Variants in SALL2 observed in about 807,000 individuals in gnomAD.
SALL2 encodes sal-like protein 2.
SALL2 carries 32 observed loss-of-function variants against 58.5 expected under a neutral mutation model. The observed-to-expected ratio is 0.55, with a 90% CI of 0.41 to 0.74. The LOEUF is 0.74. Among genes scored for constraint, SALL2 ranks in the 30% least tolerant of loss-of-function variants. The pLI, the probability that SALL2 is intolerant of heterozygous loss-of-function variation, is 0.00. For synonymous variants in SALL2, 516 were observed against 513.6 expected (o/e 1.00, Z -0.06); for missense variants, 1,201 against 1,268.9 (o/e 0.95, Z 0.81).
chr14:21,523,181 A>T lies in SALL2; in HGVS notation c.2541T>A (p.Pro847=). ...CACTGCTTCCCTGCTCCATTGGCTG[A>T]GGCTGATCCAGGCTGTCAGGTGGTG... The part of the protein sequence containing the change: ...PPPPPDSLDQ[P]QPMEQGSSGV... Residue 847 remains proline, a synonymous_variant, in exon 2 of 2, where the codon CCT becomes CCA. Coordinates refer to ENST00000537235, the MANE Select transcript of SALL2 (RefSeq NM_001364564.1). The surrounding 1 kb of genome is among the most constrained non-coding windows in gnomAD (Gnocchi z 4.4). 1.2e-6 allele frequency: 2 copies of T among 1,614,160 alleles called. No homozygotes were observed. Among genetic ancestry groups the T allele is most frequent in the South Asian group, 2.2e-5 (2 of 91,084 alleles).
At chr14:21,530,573 C>T (rs1032154137), upstream of SALL2, among the ~76,000 whole-genome samples, 3 of 152,120 alleles carry the variant, frequency 2.0e-5, no homozygotes, top group Admixed American at 6.5e-5. Flanking sequence ...CAGGCGTGAG[C>T]CATCGCGCCC....
At position 21,521,888 on chromosome 14, in the gene SALL2, A is replaced by T. The variant is rs1372390835; in HGVS notation, c.*816T>A. 1.5e-6 allele frequency: 2 copies of T among 1,301,414 alleles called. No individual in the cohort carries two copies. The highest frequency in any genetic ancestry group is 1.5e-5 in the African/African-American group (1 of 67,192). 80.6% of individuals were successfully genotyped at this position (1,301,414 alleles called of 1,614,324 possible). A position where few individuals can be genotyped will look rare whatever the true frequency, so the allele number is the denominator to read the frequency against. ...GACCATCAGGGGATTTACTGGGAAA[A>T]TTTTCCTATGCCCTTCCTTCATTTC... On this transcript the variant is annotated 3_prime_UTR_variant, in exon 2 of 2. Coordinates refer to ENST00000537235, the MANE Select transcript of SALL2 (RefSeq NM_001364564.1).
In SALL2 at chr14:21,526,100, G is replaced by A. The variant is rs756161283; in HGVS notation, c.28C>T (p.Arg10Cys). MAHESERSS[R>C]LGVPCGEPAE... ...GGCTCCCCGCAGGGCACCCCGAGACGAGAGCTCCTCTCGGATTCGTGCGCC... is the reference window on the plus strand; with the variant it reads ...GGCTCCCCGCAGGGCACCCCGAGACAAGAGCTCCTCTCGGATTCGTGCGCC... Residue 10 changes from arginine (R) to cysteine (C), a missense_variant, in exon 1 of 2, where the codon CGT becomes TGT. This residue lies in a region of SALL2 where 467 missense variants were observed against 468.9 expected (regional missense o/e 1.00). Transcript: ENST00000537235. The A allele has an allele frequency of 5.2e-6, 8 of 1,538,754 alleles. No individual in the cohort carries two copies. In the South Asian group the frequency reaches 5.9e-5, roughly 11 times the overall value.
At chr14:21,526,934 T>C (rs1892335229), upstream of SALL2, among the ~76,000 whole-genome samples, 4 of 151,904 alleles carry the variant, frequency 2.6e-5, no homozygotes, top group Admixed American at 2.6e-4. Context: ...TTCAGGACTC[T>C]CTGCGGAACA....
Position 21,522,352 on chromosome 14 carries a change from A to C in SALL2, c.*352T>G. On this transcript the variant is annotated 3_prime_UTR_variant, in exon 2 of 2. Transcript: ENST00000537235. ...TGCCAGCCCTTTTTGGCTAGGCTGC[A>C]ATGCCAAATGTAGGTGCTCAGGTGC... The C allele has an allele frequency of 1.4e-6, 2 of 1,450,366 alleles. No individual in the cohort carries two copies. The highest frequency in any genetic ancestry group is 2.5e-5 in the Admixed American group (1 of 40,322). The allele number at this position is 1,450,366 out of a possible 1,614,324, so 89.8% of individuals were successfully genotyped here.
In SALL2 at chr14:21,525,605, T is replaced by G; in HGVS notation, c.117A>C (p.Ala39=). 4 of 1,607,576 alleles carry G rather than the reference T, an allele frequency of 2.5e-6. No individual in the cohort carries two copies. The highest frequency in any genetic ancestry group is 3.4e-6 in the Non-Finnish European group (4 of 1,176,442). The change falls in exon 2 of 2, where the codon GCA becomes GCC. Residue 39 remains alanine, a synonymous_variant. Transcript: ENST00000537235. This position sits in a 1 kb window ranked among gnomAD's most constrained non-coding sequence, Gnocchi z 4.4. ...GGAATTCAGTTGGGTCAGTGAATTG[T>G]GCGCAGCACTTGGCACAGACTTGGG... ...DHPQVCAKCC[A]QFTDPTEFLA...
Position 21,523,497 on chromosome 14 carries a change from C to G in SALL2, c.2225G>C (p.Gly742Ala), listed in dbSNP as rs777812399. Residue 742 changes from glycine to alanine, a missense_variant, in exon 2 of 2, where the codon GGG (glycine) becomes GCG (alanine). Gly to Ala is a moderately conservative substitution (Grantham distance 60). Coordinates refer to ENST00000537235, the MANE Select transcript of SALL2 (RefSeq NM_001364564.1). The surrounding 1 kb of genome is among the most constrained non-coding windows in gnomAD (Gnocchi z 4.4). Reference protein sequence around the residue: ...ENGSEQSTVSGARSFPQQQSQ... With the variant: ...ENGSEQSTVSAARSFPQQQSQ... The stretch of plus-strand genomic sequence containing the variant: ...CTGCTGCTGGGGGAAACTCCGTGCC[C>G]CGGAGACTGTAGATTGCTCGGAGCC... 3.7e-6 allele frequency: 6 copies of G among 1,614,202 alleles called. No homozygotes were observed. In the East Asian group the frequency reaches 6.7e-5, roughly 18 times the overall value.
rs1461472161 is a variant in SALL2 at position 21,526,294 on chromosome 14, G to A, written c.-167C>T. ...AGGGAGCAGCGGCGGAGGGGGAGGG[G>A]AGCGAGGAGGCGGGGAGAAGCTGGA... On this transcript the variant is annotated 5_prime_UTR_variant, in exon 1 of 2. Transcript: ENST00000537235. The A allele has an allele frequency of 7.0e-7, 1 of 1,437,328 alleles. No homozygotes were observed. Among genetic ancestry groups the A allele is most frequent in the African/African-American group, 1.4e-5 (1 of 69,634 alleles). The allele number at this position is 1,437,328 out of a possible 1,614,324, so 89.0% of individuals were successfully genotyped here.
chr14:21,522,303 G>A lies in SALL2; in HGVS notation c.*401C>T. On this transcript the variant is annotated 3_prime_UTR_variant, in exon 2 of 2. Coordinates refer to ENST00000537235, the MANE Select transcript of SALL2 (RefSeq NM_001364564.1). The stretch of plus-strand genomic sequence containing the variant: ...AGCAGAAAGGTCACCCCAGAGGAGT[G>A]GCACTGGGCCCTCCAGAGACAGCTG... The A allele has an allele frequency of 6.6e-7, 1 of 1,506,630 alleles. No individual in the cohort carries two copies. Among genetic ancestry groups the A allele is most frequent in the East Asian group, 2.4e-5 (1 of 40,874 alleles). The allele number at this position is 1,506,630 out of a possible 1,614,324, so 93.3% of individuals were successfully genotyped here. A position where few individuals can be genotyped will look rare whatever the true frequency, so the allele number is the denominator to read the frequency against.
intron 1 of SALL2, among the ~76,000 whole-genome samples, chr14:21,532,416 T>G (rs1892488617): frequency 6.6e-6 from 1 of 152,206 alleles, no homozygotes; most frequent in Admixed American, 6.5e-5. Flanking sequence ...TGAATGTACT[T>G]AATGCCACTG....
upstream of SALL2, among the ~76,000 whole-genome samples, chr14:21,528,575 A>T (rs1194768013): frequency 1.3e-5 from 2 of 152,092 alleles, no homozygotes; most frequent in Non-Finnish European, 2.9e-5. Flanking sequence ...CCAGGCCTGG[A>T]CTTACAAATG....
rs145980251 is a variant in SALL2, at chr14:21,521,900, C to G, written c.*804G>C. The G allele has an allele frequency of 3.6e-5, 49 of 1,370,930 alleles. No individual in the cohort carries two copies. The African/African-American group carries it at 6.1e-4, about 17-fold the overall frequency. The allele number at this position is 1,370,930 out of a possible 1,614,324, so 84.9% of individuals were successfully genotyped here. A position where few individuals can be genotyped will look rare whatever the true frequency, so the allele number is the denominator to read the frequency against. ...ATTTACTGGGAAAATTTTCCTATGC[C>G]CTTCCTTCATTTCTCCCTACTTCCT... On this transcript the variant is annotated 3_prime_UTR_variant, in exon 2 of 2. Coordinates refer to ENST00000537235, the MANE Select transcript of SALL2 (RefSeq NM_001364564.1).
At chr14:21,529,445 T>C (rs1892402674), upstream of SALL2, among the ~76,000 whole-genome samples, 1 of 152,286 alleles carries the variant, frequency 6.6e-6, no homozygotes, top group South Asian at 2.1e-4. Flanking sequence ...GTGAGTTGTA[T>C]GTAGCAGGGT....
At position 21,531,414 on chromosome 14, in the gene SALL2, A is replaced by AT. The variant is rs984891959; in HGVS notation, c.-114+5547dup. 6.6e-5 allele frequency among the ~76,000 whole-genome samples: 10 copies of AT among 151,156 alleles called. No individual in the cohort carries two copies. The East Asian group carries it at 1.2e-3, about 18-fold the overall frequency. On this transcript the variant is annotated intron_variant, in intron 1 of 1. Transcript: ENST00000541965. ...AATCTCTCCCAGAGTTTGTTTTCTT[A>AT]TTTTTTTTTGGGACAGAGTTTCACT...
intron 1 of SALL2, among the ~76,000 whole-genome samples, chr14:21,534,773 G>T (rs1026816632): frequency 2.0e-5 from 3 of 151,946 alleles, no homozygotes; most frequent in African/African-American, 7.3e-5. Flanking sequence ...GGAAACATCC[G>T]GCCTATAGCA....
At chr14:21,531,519 G>C (rs1023948800) in intron 1 of SALL2, among the ~76,000 whole-genome samples, 1 of 151,916 alleles carries the variant, frequency 6.6e-6, no homozygotes, top group African/African-American at 2.4e-5. Flanking sequence ...CGATTCTCCT[G>C]CCTCACCCTC....
Position 21,526,098 on chromosome 14 carries a change from A to G in SALL2, c.30T>C (p.Arg10=). MAHESERSS[R]LGVPCGEPAE... ...CCGGCTCCCCGCAGGGCACCCCGAG[A>G]CGAGAGCTCCTCTCGGATTCGTGCG... is the stretch of plus-strand genomic sequence containing the variant. Residue 10 remains arginine (R), a synonymous_variant, in exon 1 of 2, where the codon CGT becomes CGC. Transcript: ENST00000537235. 1 of 1,538,284 alleles carries G rather than the reference A, an allele frequency of 6.5e-7. No homozygotes were observed. The highest frequency in any genetic ancestry group is 8.7e-7 in the Non-Finnish European group (1 of 1,148,194).
Position 21,524,789 on chromosome 14 carries a change from C to T in SALL2, c.933G>A (p.Leu311=). 2 of 1,607,534 alleles carry T rather than the reference C, an allele frequency of 1.2e-6. No homozygotes were observed. Among genetic ancestry groups the T allele is most frequent in the Non-Finnish European group, 8.5e-7 (1 of 1,176,622 alleles). ...SPALPGSTDQ[L]IASPHLAFPS... The stretch of plus-strand genomic sequence containing the variant: ...GGAATGCCAGATGAGGCGAGGCAAT[C>T]AGCTGATCTGTGCTGCCTGGCAAGG... Residue 311 remains leucine, a synonymous_variant, in exon 2 of 2, where the codon CTG becomes CTA. Transcript: ENST00000537235.
chr14:21,522,649 T>A lies in SALL2; in HGVS notation c.*55A>T. 6.7e-7 allele frequency: 1 copy of A among 1,497,098 alleles called. No individual in the cohort carries two copies. Among genetic ancestry groups the A allele is most frequent in the East Asian group, 2.3e-5 (1 of 43,172 alleles). 92.7% of individuals were successfully genotyped at this position (1,497,098 alleles called of 1,614,324 possible). On this transcript the variant is annotated 3_prime_UTR_variant, in exon 2 of 2. Coordinates refer to ENST00000537235, the MANE Select transcript of SALL2 (RefSeq NM_001364564.1). The stretch of plus-strand genomic sequence containing the variant: ...GGCTCATAACTCTGGGAGGTCCTTT[T>A]GTGAAGCTGTTTCTGCTCTGTGGGA...
Sources: allele counts gnomAD v4.1 joint callset (sites outside exome capture counted in the v4.1 genomes callset), GRCh38; gene constraint gnomAD v4.1.1; regional missense constraint gnomAD v4.1.1; non-coding constraint Gnocchi (gnomAD v3.1); transcripts MANE v1.5; gene names NCBI Gene and HGNC (gene_info 2026-07-23, HGNC 2026-07-21).